Variants in CHIT1 observed in about 807,000 individuals in gnomAD.
CHIT1 encodes the protein chitinase 1.
Under a neutral mutation model 52.0 loss-of-function variants are expected in CHIT1, and 47 were observed. The observed-to-expected ratio is 0.90, with a 90% CI of 0.71 to 1.15. The LOEUF (loss-of-function observed/expected upper bound fraction) is 1.15. CHIT1 is among the 50% of genes most tolerant of loss of function. CHIT1 has a pLI of 0.00. For missense variants in CHIT1, 569 were observed against 583.0 expected, an observed-to-expected ratio of 0.98 and a Z score of 0.25; for synonymous variants, 242 against 228.2, an observed-to-expected ratio of 1.06 and a Z score of -0.54.
In CHIT1 at chr1:203,216,195, A is replaced by G. The variant is rs957467683; in HGVS notation, c.*694T>C. The G allele has an allele frequency of 4.4e-6, 2 of 453,972 alleles. No homozygotes were observed. The highest frequency in any genetic ancestry group is 8.8e-6 in the Non-Finnish European group (2 of 226,806). The allele number at this position is 453,972 out of a possible 1,614,324, so 28.1% of individuals were successfully genotyped here. On this transcript the variant is annotated 3_prime_UTR_variant, in exon 11 of 11. Coordinates refer to ENST00000367229, the MANE Select transcript of CHIT1 (RefSeq NM_003465.3). ...ATCAGTCTTCAGTTTAAATGCCTAT[A>G]AAGTGAGAATAATCATTGTTCCTTC...
intron 6 of CHIT1, among the ~76,000 whole-genome samples, 180 bp downstream of exon 6, chr1:203,222,951 GATGT>G (rs1393318664): frequency 6.6e-6 from 1 of 152,166 alleles, no homozygotes; most frequent in East Asian, 1.9e-4. Flanking sequence ...AGCCTTTCTG[GATGT>G]GTCTTAGTTT....
chr1:203,227,435 T>C (rs192203694), intron 2 of CHIT1, among the ~76,000 whole-genome samples: 3 of 152,368 alleles, frequency 2.0e-5, no homozygotes, highest in African/African-American at 7.2e-5. Flanking sequence ...AATATTGTTA[T>C]GAATTTCTGT....
chr1:203,218,650 C>A (rs899781322), intron 9 of CHIT1, among the ~76,000 whole-genome samples: 2 of 152,190 alleles, frequency 1.3e-5, no homozygotes, highest in African/African-American at 2.4e-5. Flanking sequence ...TCCACCGTGA[C>A]CCCTTCTCCC....
chr1:203,217,444 C>A, intron 10 of CHIT1: 1 of 1,401,810 alleles, frequency 7.1e-7, no homozygotes, highest in East Asian at 2.7e-5. Context: ...AGGCTTTCTC[C>A]CAGGTAAGAG....
chr1:203,226,572 T>A (rs978233032), intron 2 of CHIT1, among the ~76,000 whole-genome samples: 1 of 152,216 alleles, frequency 6.6e-6, no homozygotes, highest in Non-Finnish European at 1.5e-5. Context: ...TTATCCCTTG[T>A]AGATAATCTA....
At chr1:203,222,115 C>T in intron 7 of CHIT1, 87 bp downstream of exon 7, 2 of 1,579,654 alleles carry the variant, frequency 1.3e-6, no homozygotes, top group Non-Finnish European at 1.7e-6. Flanking sequence ...GTCTTTTTTC[C>T]CATGAGGGCC....
In CHIT1 at chr1:203,219,339, C is replaced by A. The variant is rs759281490; in HGVS notation, c.916-10G>T. 4 of 1,482,444 alleles carry A rather than the reference C, an allele frequency of 2.7e-6. No individual in the cohort carries two copies. The highest frequency in any genetic ancestry group is 1.1e-5 in the South Asian group (1 of 88,598). The allele number at this position is 1,482,444 out of a possible 1,614,324, so 91.8% of individuals were successfully genotyped here. A position where few individuals can be genotyped will look rare whatever the true frequency, so the allele number is the denominator to read the frequency against. On this transcript the variant is annotated splice_polypyrimidine_tract_variant and intron_variant, in intron 8 of 10. Coordinates refer to ENST00000367229, the MANE Select transcript of CHIT1 (RefSeq NM_003465.3). The stretch of plus-strand genomic sequence containing the variant: ...CCTTCCAGGAGCAGACCTGTGGGAG[C>A]AGAAGGCAGCACTGGGGAGGAGGAG...
chr1:203,221,928 C>G (rs1217380982), intron 7 of CHIT1, among the ~76,000 whole-genome samples: 1 of 152,176 alleles, frequency 6.6e-6, no homozygotes, highest in East Asian at 1.9e-4. Flanking sequence ...GACTCAAGCT[C>G]AAAGTGGGCT....
At position 203,216,169 on chromosome 1, in the gene CHIT1, A is replaced by T. The variant is rs1175201808; in HGVS notation, c.*720T>A. 6.6e-6 allele frequency: 3 copies of T among 454,108 alleles called. No individual in the cohort carries two copies. In the Admixed American group the frequency reaches 7.0e-5, roughly 11 times the overall value. 28.1% of individuals were successfully genotyped at this position (454,108 alleles called of 1,614,324 possible). A position where few individuals can be genotyped will look rare whatever the true frequency, so the allele number is the denominator to read the frequency against. On this transcript the variant is annotated 3_prime_UTR_variant, in exon 11 of 11. Transcript: ENST00000367229. The stretch of plus-strand genomic sequence containing the variant: ...TGGTTCTGGACTCAGAATTGGTTAG[A>T]ATCAGTCTTCAGTTTAAATGCCTAT...
At chr1:203,221,157 C>T (rs1426547003) in intron 7 of CHIT1, among the ~76,000 whole-genome samples, 1 of 152,190 alleles carries the variant, frequency 6.6e-6, no homozygotes, top group Non-Finnish European at 1.5e-5. Context: ...TCAAAGATGT[C>T]CCACTCCAGC....
At position 203,222,256 on chromosome 1, in the gene CHIT1, G is replaced by A. The variant is rs1316285850; in HGVS notation, c.675C>T (p.Asn225=). Reference sequence around the variant, plus strand: ...CTTCTTGCCTCTTGTAGAGGGGGCTGTTATGTCCCGTGACCTTCTCCCAAG... The same window carrying A: ...CTTCTTGCCTCTTGTAGAGGGGGCTATTATGTCCCGTGACCTTCTCCCAAG... ...HGSWEKVTGH[N]SPLYKRQEES... The change falls in exon 7 of 11, where the codon AAC becomes AAT. Residue 225 remains asparagine, a synonymous_variant. Coordinates refer to ENST00000367229, the MANE Select transcript of CHIT1 (RefSeq NM_003465.3). 3 of 1,614,228 alleles carry A rather than the reference G, an allele frequency of 1.9e-6. No individual in the cohort carries two copies. Among genetic ancestry groups the A allele is most frequent in the South Asian group, 2.2e-5 (2 of 91,086 alleles).
intron 10 of CHIT1, 171 bp from the exon 11 acceptor site, chr1:203,217,304 A>G (rs938542024): frequency 1.3e-6 from 2 of 1,538,802 alleles, no homozygotes; most frequent in African/African-American, 2.7e-5. Flanking sequence ...AGCCATACCT[A>G]CAGCTGAAGC....
At chr1:203,228,868 G>A (rs1001283217) in intron 1 of CHIT1, among the ~76,000 whole-genome samples, 1 of 152,200 alleles carries the variant, frequency 6.6e-6, no homozygotes, top group Non-Finnish European at 1.5e-5. Context: ...AAAAACTGCT[G>A]ACTTGTGAGT....
In CHIT1 at chr1:203,229,665, A is replaced by C. The variant is rs756564689; in HGVS notation, c.-29T>G. On this transcript the variant is annotated 5_prime_UTR_variant, in exon 1 of 11. An upstream start codon of the reference 5' UTR is lost. Transcript: ENST00000367229. Reference sequence around the variant, plus strand: ...GCAGCTCAGCGGCAGGCTGCAGCCCATACAAACCAGCTTTCCAGGTCCTGC... The same window carrying C: ...GCAGCTCAGCGGCAGGCTGCAGCCCCTACAAACCAGCTTTCCAGGTCCTGC... 1.9e-6 allele frequency: 3 copies of C among 1,613,636 alleles called. No individual in the cohort carries two copies. The highest frequency in any genetic ancestry group is 2.5e-6 in the Non-Finnish European group (3 of 1,179,822).
Position 203,222,279 on chromosome 1 carries a change from A to C in CHIT1, c.652T>G (p.Trp218Gly). The C allele has an allele frequency of 6.2e-7, 1 of 1,614,162 alleles. No individual in the cohort carries two copies. Among genetic ancestry groups the C allele is most frequent in the Non-Finnish European group, 8.5e-7 (1 of 1,180,008 alleles). Residue 218 changes from tryptophan (W) to glycine (G), a missense_variant, in exon 7 of 11, where the codon TGG becomes GGG. Coordinates refer to ENST00000367229, the MANE Select transcript of CHIT1 (RefSeq NM_003465.3). The stretch of plus-strand genomic sequence containing the variant: ...CTGTTATGTCCCGTGACCTTCTCCC[A>C]AGAGCCATGGAAGTCGTAGGCCATA... ...NLMAYDFHGS[W>G]EKVTGHNSPL...
chr1:203,226,437 CG>C (rs1157676968), intron 2 of CHIT1, among the ~76,000 whole-genome samples: 1 of 152,192 alleles, frequency 6.6e-6, no homozygotes, highest in Non-Finnish European at 1.5e-5. Flanking sequence ...CTTTCAAAAA[CG>C]GTTTGGAATA....
chr1:203,216,761 T>C lies in CHIT1; in HGVS notation c.*128A>G, dbSNP rs1281739545. On this transcript the variant is annotated 3_prime_UTR_variant, in exon 11 of 11. Coordinates refer to ENST00000367229, the MANE Select transcript of CHIT1 (RefSeq NM_003465.3). ...AAGGCAAGGCTGAGAGCAGAAAGCC[T>C]GGATAAAGGAAGACCACAGAAAGGC... 1.6e-6 allele frequency: 2 copies of C among 1,278,452 alleles called. No individual in the cohort carries two copies. Among genetic ancestry groups the C allele is most frequent in the Admixed American group, 1.7e-5 (1 of 58,026 alleles). The allele number at this position is 1,278,452 out of a possible 1,614,324, so 79.2% of individuals were successfully genotyped here.
At chr1:203,218,695 G>T (rs1009401107) in intron 9 of CHIT1, among the ~76,000 whole-genome samples, 1 of 151,924 alleles carries the variant, frequency 6.6e-6, no homozygotes, top group Non-Finnish European at 1.5e-5. Flanking sequence ...CCCTGCAATT[G>T]TCCACCTCTA....
At chr1:203,228,120 T>C (rs1571851969) in intron 2 of CHIT1, among the ~76,000 whole-genome samples, 1 of 152,228 alleles carries the variant, frequency 6.6e-6, no homozygotes, top group Non-Finnish European at 1.5e-5. Flanking sequence ...CTGGGGATGC[T>C]GAACCAGATG....
Sources: gnomAD v4.1 joint callset for allele counts (sites outside exome capture counted in the v4.1 genomes callset) on GRCh38, gnomAD v4.1.1 for gene constraint, MANE v1.5 for transcripts, NCBI Gene and HGNC (gene_info 2026-07-23, HGNC 2026-07-21) for gene names.